MET: variants seen among roughly 807,000 people sequenced by gnomAD.
MET encodes hepatocyte growth factor receptor.
MET carries 48 observed loss-of-function variants against 133.1 expected under a neutral mutation model. That is an observed-to-expected ratio of 0.36 (90% CI 0.29 to 0.46). MET has a LOEUF of 0.46. Among genes scored for constraint, MET ranks in the 20% least tolerant of loss-of-function variants. The pLI is 1.00. For missense variants in MET, 1,442 were observed against 1,695.9 expected (o/e 0.85, Z 2.63); for synonymous variants, 628 against 616.5 (o/e 1.02, Z -0.28).
chr7:116,745,396 C>T (rs560996074), intron 5 of MET, among the ~76,000 whole-genome samples: 1 of 152,168 alleles, frequency 6.6e-6, no homozygotes, highest in African/African-American at 2.4e-5. Flanking sequence ...ATCAAGCTAC[C>T]AATGACTTTC....
intron 1 of MET, among the ~76,000 whole-genome samples, chr7:116,682,418 G>A (rs1796394038): frequency 6.6e-6 from 1 of 152,148 alleles, no homozygotes; most frequent in Admixed American, 6.5e-5. Flanking sequence ...GAAAAGAGAG[G>A]AGAGTATCTG....
chr7:116,776,675 C>T (rs1795002812), intron 15 of MET, among the ~76,000 whole-genome samples: 1 of 152,200 alleles, frequency 6.6e-6, no homozygotes, highest in Non-Finnish European at 1.5e-5. Context: ...TCTTGGCCAG[C>T]TGGATGAATT....
intron 11 of MET, among the ~76,000 whole-genome samples, chr7:116,766,012 C>T (rs1206008008): frequency 6.6e-6 from 1 of 152,062 alleles, no homozygotes; most frequent in East Asian, 1.9e-4. Flanking sequence ...ACTAAAATAC[C>T]ATTATAGAGA....
In MET at chr7:116,765,367, G is replaced by C. The variant is rs377624981; in HGVS notation, c.2583+2099G>C. On this transcript the variant is annotated intron_variant, in intron 11 of 20. Coordinates refer to ENST00000397752, the MANE Select transcript of MET (RefSeq NM_000245.4). Reference sequence around the variant, plus strand: ...GAATCATGTGTTTAGAATGAGATATGCTCTTTATTGCCAGGAAGATTTCAT... The same window carrying C: ...GAATCATGTGTTTAGAATGAGATATCCTCTTTATTGCCAGGAAGATTTCAT... Among the ~76,000 whole-genome samples, 26 of 151,286 alleles carry C rather than the reference G, an allele frequency of 1.7e-4. No homozygotes were observed. In the East Asian group the frequency reaches 4.3e-3, roughly 25 times the overall value.
intron 2 of MET, among the ~76,000 whole-genome samples, chr7:116,725,987 C>T (rs1792735610): frequency 6.7e-6 from 1 of 148,166 alleles, no homozygotes; most frequent in African/African-American, 2.5e-5. Flanking sequence ...CAGTGAGCTA[C>T]GAACACATCA....
At chr7:116,731,605 G>A (rs1412244178) in intron 2 of MET, 63 bp from the exon 3 acceptor site, 9 of 1,559,726 alleles carry the variant, frequency 5.8e-6, no homozygotes, top group African/African-American at 2.7e-5. Flanking sequence ...CACACTGAAA[G>A]GTTTCTTACC....
rs2116592884 is a variant in MET, at chr7:116,699,681, T to A, written c.597T>A (p.Asn199Lys). ...KDRFINFFVG[N>K]TINSSYFPDH... ...GGTTCATCAACTTCTTTGTAGGCAA[T>A]ACCATAAATTCTTCTTATTTCCCAG... is the stretch of plus-strand genomic sequence containing the variant. Residue 199 changes from asparagine (N) to lysine (K), a missense_variant, in exon 2 of 21, where the codon AAT (asparagine) becomes AAA (lysine). Coordinates refer to ENST00000397752, the MANE Select transcript of MET (RefSeq NM_000245.4). 6.2e-7 allele frequency: 1 copy of A among 1,614,048 alleles called. No homozygotes were observed. Among genetic ancestry groups the A allele is most frequent in the Non-Finnish European group, 8.5e-7 (1 of 1,179,978 alleles).
At chr7:116,694,929 C>A (rs931442823) in intron 1 of MET, among the ~76,000 whole-genome samples, 2 of 152,130 alleles carry the variant, frequency 1.3e-5, no homozygotes, top group Admixed American at 1.3e-4. Context: ...ACGTGATCCA[C>A]CCACCTCTGC....
chr7:116,683,751 T>G (rs1023557508), intron 1 of MET, among the ~76,000 whole-genome samples: 1 of 152,234 alleles, frequency 6.6e-6, no homozygotes. Flanking sequence ...TTGACCCGTC[T>G]GTAGAATTTG....
chr7:116,757,368 C>T (rs1291999515), intron 6 of MET, 69 bp from the exon 7 acceptor site: 3 of 1,277,066 alleles, frequency 2.3e-6, no homozygotes, highest in Admixed American at 1.8e-5. Context: ...AATGTCACTT[C>T]CTATAAAACA....
intron 1 of MET, among the ~76,000 whole-genome samples, chr7:116,672,921 C>A (rs1050988473): frequency 6.6e-6 from 1 of 152,118 alleles, no homozygotes; most frequent in African/African-American, 2.4e-5. Context: ...CTCGTCCCAC[C>A]GTGATGCAGC....
At chr7:116,731,032 G>A (rs1313150532) in intron 2 of MET, among the ~76,000 whole-genome samples, 6 of 152,092 alleles carry the variant, frequency 3.9e-5, no homozygotes, top group Admixed American at 6.6e-5. Context: ...AGCTCTATAA[G>A]GTAAGTACTA....
chr7:116,722,981 A>G (rs1006338708), intron 2 of MET, among the ~76,000 whole-genome samples: 1 of 148,608 alleles, frequency 6.7e-6, no homozygotes, highest in African/African-American at 2.5e-5. Flanking sequence ...CTTCTCAAGG[A>G]GTATCTTTGT....
At chr7:116,795,106 T>C (rs1164988105) in intron 19 of MET, among the ~76,000 whole-genome samples, 2 of 152,238 alleles carry the variant, frequency 1.3e-5, no homozygotes, top group Non-Finnish European at 2.9e-5. Context: ...TAATTTTCAA[T>C]AGAGAAACTT....
intron 2 of MET, among the ~76,000 whole-genome samples, chr7:116,707,520 T>A (rs551264352): frequency 1.1e-3 from 168 of 152,302 alleles, no homozygotes; most frequent in Admixed American, 3.1e-3. Context: ...AAATATATAG[T>A]TATTCATGAT....
intron 19 of MET, among the ~76,000 whole-genome samples, chr7:116,784,056 G>A (rs1364466436): frequency 6.6e-6 from 1 of 152,216 alleles, no homozygotes; most frequent in Non-Finnish European, 1.5e-5. Context: ...TGGAGAAGTG[G>A]CATTTGAATT....
intron 19 of MET, among the ~76,000 whole-genome samples, chr7:116,787,950 A>T (rs1225458521): frequency 6.7e-6 from 1 of 150,020 alleles, no homozygotes; most frequent in African/African-American, 2.4e-5. Flanking sequence ...GTGAATGGAT[A>T]AAAAAAAAAT....
At chr7:116,745,504 G>A (rs867051450) in intron 5 of MET, among the ~76,000 whole-genome samples, 3 of 152,294 alleles carry the variant, frequency 2.0e-5, no homozygotes, top group South Asian at 2.1e-4. Context: ...AAAGCTGGAG[G>A]CATCATGCTA....
At chr7:116,674,119 A>G (rs1271984909) in intron 1 of MET, among the ~76,000 whole-genome samples, 1 of 152,230 alleles carries the variant, frequency 6.6e-6, no homozygotes, top group East Asian at 1.9e-4. Flanking sequence ...TTTGTGGCAT[A>G]TAGAAGACAG....
Sources: allele counts gnomAD v4.1 joint callset (sites outside exome capture counted in the v4.1 genomes callset), GRCh38; gene constraint gnomAD v4.1.1; transcripts MANE v1.5; gene names NCBI Gene and HGNC (gene_info 2026-07-23, HGNC 2026-07-21).